GSKIP: variants seen among roughly 807,000 people sequenced by gnomAD.
GSKIP encodes the protein GSK3B-interacting protein.
Under a neutral mutation model 11.9 loss-of-function variants are expected in GSKIP, and 5 were observed. That is an observed-to-expected ratio of 0.42 (90% CI 0.22 to 0.89). The LOEUF (loss-of-function observed/expected upper bound fraction) is 0.89, where lower values mean the gene tolerates loss of function less well. Among genes scored for constraint, GSKIP ranks in the 40% least tolerant of loss-of-function variants. GSKIP has a pLI of 0.29. For synonymous variants in GSKIP, 70 were observed against 62.9 expected (o/e 1.11, Z -0.54); for missense variants, 150 against 166.6 (o/e 0.90, Z 0.55).
At chr14:96,378,030 C>T (rs913233506) in intron 1 of GSKIP, among the ~76,000 whole-genome samples, 1 of 152,186 alleles carries the variant, frequency 6.6e-6, no homozygotes, top group Non-Finnish European at 1.5e-5. Context: ...AACTGCTTAG[C>T]ACCTTATGTT....
intron 1 of GSKIP, among the ~76,000 whole-genome samples, chr14:96,365,547 G>A (rs952101799): frequency 6.7e-6 from 1 of 148,230 alleles, no homozygotes; most frequent in Non-Finnish European, 1.5e-5. Context: ...AAGAACTTTG[G>A]AGCCGGGCAC....
intron 3 of GSKIP, among the ~76,000 whole-genome samples, chr14:96,382,716 T>C (rs1477377194): frequency 1.3e-5 from 2 of 152,144 alleles, no homozygotes; most frequent in Admixed American, 6.5e-5. Flanking sequence ...TTGAAAAACA[T>C]TTGATTTGCA....
chr14:96,385,985 G>T lies in GSKIP; in HGVS notation c.*301G>T. 4.3e-6 allele frequency: 1 copy of T among 234,710 alleles called. No individual in the cohort carries two copies. Among genetic ancestry groups the T allele is most frequent in the Non-Finnish European group, 8.4e-6 (1 of 118,534 alleles). The allele number at this position is 234,710 out of a possible 1,614,324, so 14.5% of individuals were successfully genotyped here. ...CATACTATTACAGGGCTTTGATGCT[G>T]CCAGCACTGTCTTTTACATAGGAAA... On this transcript the variant is annotated 3_prime_UTR_variant, in exon 4 of 4. Transcript: ENST00000555181.
chr14:96,377,302 T>C (rs1889228461), intron 1 of GSKIP, among the ~76,000 whole-genome samples: 2 of 152,224 alleles, frequency 1.3e-5, no homozygotes, highest in Non-Finnish European at 2.9e-5. Flanking sequence ...TGATGATAAA[T>C]TGTTTTGTGT....
intron 1 of GSKIP, among the ~76,000 whole-genome samples, chr14:96,369,501 T>C (rs1163307164): frequency 2.0e-5 from 3 of 152,092 alleles, no homozygotes; most frequent in Admixed American, 2.0e-4. Context: ...ACAAGAATGG[T>C]TTCCACAGTC....
At chr14:96,373,607 A>T (rs1394934734) in intron 1 of GSKIP, among the ~76,000 whole-genome samples, 3 of 152,164 alleles carry the variant, frequency 2.0e-5, no homozygotes, top group African/African-American at 7.2e-5. Flanking sequence ...CATTAAAAAA[A>T]AAAAAGAATT....
chr14:96,378,596 A>G (rs756112862), intron 1 of GSKIP, among the ~76,000 whole-genome samples: 39 of 152,358 alleles, frequency 2.6e-4, no homozygotes, highest in Non-Finnish European at 4.3e-4. Flanking sequence ...AATTTATTAT[A>G]GTAGCAATAG....
At chr14:96,376,512 A>G (rs1317013280) in intron 1 of GSKIP, among the ~76,000 whole-genome samples, 5 of 152,250 alleles carry the variant, frequency 3.3e-5, no homozygotes, top group Non-Finnish European at 5.9e-5. Flanking sequence ...TTAGAACAGT[A>G]AAGAATTTTC....
rs1282314993 is a variant in GSKIP, at chr14:96,365,552, G to A, written c.-103+1984G>A. Among the ~76,000 whole-genome samples, 3 of 143,930 alleles carry A rather than the reference G, an allele frequency of 2.1e-5. No homozygotes were observed. In the Admixed American group the frequency reaches 2.1e-4, roughly 10 times the overall value. 94.4% of individuals were successfully genotyped at this position (143,930 alleles called of 152,430 possible). On this transcript the variant is annotated intron_variant, in intron 1 of 3. Transcript: ENST00000555181. Reference sequence around the variant, plus strand: ...GGCCATTGATAAGAACTTTGGAGCCGGGCACAGTGGCTCACTCCTGTAATC... The same window carrying A: ...GGCCATTGATAAGAACTTTGGAGCCAGGCACAGTGGCTCACTCCTGTAATC...
chr14:96,380,650 G>A (rs568536768), intron 2 of GSKIP, among the ~76,000 whole-genome samples: 3 of 152,320 alleles, frequency 2.0e-5, no homozygotes, highest in Admixed American at 1.3e-4. Flanking sequence ...GGACTGTGCA[G>A]TGTACCAGAT....
intron 3 of GSKIP, among the ~76,000 whole-genome samples, chr14:96,383,533 A>G (rs529063691): frequency 7.2e-5 from 11 of 152,358 alleles, no homozygotes; most frequent in Admixed American, 3.9e-4. Context: ...CTGTGTTTCT[A>G]TATTTATTCA....
intron 3 of GSKIP, among the ~76,000 whole-genome samples, chr14:96,383,828 A>G (rs994514397): frequency 6.6e-6 from 1 of 152,218 alleles, no homozygotes; most frequent in Non-Finnish European, 1.5e-5. Context: ...AATTTGTACT[A>G]AAAGCTCAGA....
intron 1 of GSKIP, among the ~76,000 whole-genome samples, chr14:96,368,406 G>T (rs1157147542): frequency 6.6e-6 from 1 of 152,140 alleles, no homozygotes; most frequent in Non-Finnish European, 1.5e-5. Flanking sequence ...CTGGACTCAA[G>T]CAATCCACCC....
intron 3 of GSKIP, among the ~76,000 whole-genome samples, chr14:96,384,460 T>A (rs1047809159): frequency 2.6e-5 from 4 of 152,186 alleles, no homozygotes; most frequent in African/African-American, 7.2e-5. Context: ...TAAATAGATG[T>A]CATAAAAATT....
intron 1 of GSKIP, among the ~76,000 whole-genome samples, chr14:96,378,224 C>T (rs1889254012): frequency 6.6e-6 from 1 of 152,076 alleles, no homozygotes; most frequent in African/African-American, 2.4e-5. Context: ...CCTGATGGCA[C>T]CCACCTGCAG....
At chr14:96,372,941 A>G (rs926655338) in intron 1 of GSKIP, among the ~76,000 whole-genome samples, 4 of 152,192 alleles carry the variant, frequency 2.6e-5, no homozygotes, top group African/African-American at 9.7e-5. Context: ...AAAAAGAATG[A>G]GAGGAGGGGC....
intron 1 of GSKIP, among the ~76,000 whole-genome samples, chr14:96,366,835 C>T (rs1055214132): frequency 1.3e-5 from 2 of 152,160 alleles, no homozygotes; most frequent in South Asian, 2.1e-4. Flanking sequence ...GGCTGTATGC[C>T]AGAGGCTAAA....
At position 96,377,803 on chromosome 14, in the gene GSKIP, C is replaced by T. The variant is rs144631365; in HGVS notation, c.-102-1885C>T. On this transcript the variant is annotated intron_variant, in intron 1 of 3. Coordinates refer to ENST00000555181, the MANE Select transcript of GSKIP (RefSeq NM_016472.5). Reference sequence around the variant, plus strand: ...GCATCTGATTAGCTAGACCACCATCCGGAAGTAGTTGGACAAAGCTCTTGA... The same window carrying T: ...GCATCTGATTAGCTAGACCACCATCTGGAAGTAGTTGGACAAAGCTCTTGA... Among the ~76,000 whole-genome samples the T allele has an allele frequency of 2.6e-3, 397 of 152,232 alleles. 5 individuals are homozygous for T. Among genetic ancestry groups the T allele is most frequent in the African/African-American group, 9.1e-3 (376 of 41,532 alleles).
chr14:96,366,678 G>A (rs544288585), intron 1 of GSKIP, among the ~76,000 whole-genome samples: 18 of 152,210 alleles, frequency 1.2e-4, no homozygotes, highest in Non-Finnish European at 2.1e-4. Context: ...AGGATCACCT[G>A]AGACCAGGAG....
Sources: allele counts gnomAD v4.1 joint callset (sites outside exome capture counted in the v4.1 genomes callset), GRCh38; gene constraint gnomAD v4.1.1; transcripts MANE v1.5; gene names NCBI Gene and HGNC (gene_info 2026-07-23, HGNC 2026-07-21).